The following RBM26 variants were observed in gnomAD, a reference collection of about 807,000 sequenced individuals.
RBM26 encodes RNA-binding protein 26.
In RBM26, 30 loss-of-function variants were observed where a neutral mutation model predicts 123.6. The ratio of observed to expected loss-of-function variants is 0.24; its 90% confidence interval spans 0.18 to 0.33. The LOEUF is 0.33. RBM26 is among the 10% of genes least tolerant of loss of function. RBM26 has a pLI of 1.00. For missense variants in RBM26, 947 were observed against 1,203.6 expected (o/e 0.79, Z 3.15); for synonymous variants, 400 against 404.4 (o/e 0.99, Z 0.13).
intron 11 of RBM26, among the ~76,000 whole-genome samples, chr13:79,355,872 C>A (rs1244951015): frequency 6.6e-6 from 1 of 152,002 alleles, no homozygotes; most frequent in African/African-American, 2.4e-5. Flanking sequence ...AAAAAGAGAC[C>A]ATGTAACAAC....
chr13:79,401,949 T>C (rs904274569), intron 1 of RBM26, among the ~76,000 whole-genome samples: 1 of 151,988 alleles, frequency 6.6e-6, no homozygotes, highest in African/African-American at 2.4e-5. Flanking sequence ...CCTCAGTACG[T>C]CATTACATCC....
intron 7 of RBM26, 56 bp from the exon 8 acceptor site, chr13:79,366,251 T>C (rs2075258958): frequency 1.3e-6 from 2 of 1,560,924 alleles, no homozygotes; most frequent in Non-Finnish European, 1.7e-6. Context: ...TAAAACAAGT[T>C]ATTGCACATC....
Position 79,322,329 on chromosome 13 carries a change from G to T in RBM26, c.2934+20C>A. The T allele has an allele frequency of 6.8e-7, 1 of 1,460,446 alleles. No homozygotes were observed. Among genetic ancestry groups the T allele is most frequent in the Non-Finnish European group, 9.3e-7 (1 of 1,077,912 alleles). The allele number at this position is 1,460,446 out of a possible 1,614,324, so 90.5% of individuals were successfully genotyped here. On this transcript the variant is annotated intron_variant, in intron 21 of 21. Coordinates refer to ENST00000438737, the MANE Select transcript of RBM26 (RefSeq NM_001366735.2). ...TATGAACGATTAAGGGTAAAAATAA[G>T]TGGAAAAAAAATAACATACTTCTTC...
chr13:79,404,464 T>TTAAATCAG (rs1366603043), intron 1 of RBM26, among the ~76,000 whole-genome samples: 7 of 152,216 alleles, frequency 4.6e-5, no homozygotes, highest in African/African-American at 7.2e-5. Context: ...TAAAACAAAA[T>TTAAATCAG]TAAATCAGTC....
At chr13:79,322,558 A>C in intron 20 of RBM26, 96 bp from the exon 21 acceptor site, 1 of 687,028 alleles carries the variant, frequency 1.5e-6, no homozygotes, top group Non-Finnish European at 2.3e-6. Flanking sequence ...AAAATAGCTA[A>C]AGACAACTGA....
chr13:79,322,148 A>G (rs1008656745), intron 21 of RBM26, among the ~76,000 whole-genome samples: 18 of 151,504 alleles, frequency 1.2e-4, no homozygotes, highest in African/African-American at 4.3e-4. Flanking sequence ...TGATTTTCAT[A>G]TATTCTTTTT....
In RBM26 at chr13:79,377,373, C is replaced by T. The variant is rs994428448; in HGVS notation, c.327+6G>A. The T allele has an allele frequency of 1.4e-5, 23 of 1,612,238 alleles. No individual in the cohort carries two copies. The highest frequency in any genetic ancestry group is 4.5e-5 in the East Asian group (2 of 44,844). On this transcript the variant is annotated splice_donor_region_variant and intron_variant, in intron 3 of 21. Transcript: ENST00000438737. The stretch of plus-strand genomic sequence containing the variant: ...TAACCTGTAAGGTATTAACACAAAT[C>T]GTTACCTCTTCCTTCTTTATATCTT...
At chr13:79,375,063 TTA>T (rs2076521282) in intron 3 of RBM26, among the ~76,000 whole-genome samples, 1 of 57,634 alleles carries the variant, frequency 1.7e-5, no homozygotes, top group African/African-American at 4.5e-5. Context: ...ATTTATATTT[TTA>T]TATATTTATA....
At chr13:79,386,591 T>TAAAAAAAAAAAAAAAAAAAA (rs398023598) in intron 1 of RBM26, among the ~76,000 whole-genome samples, 5 of 92,830 alleles carry the variant, frequency 5.4e-5, no homozygotes, top group South Asian at 3.8e-4. Context: ...ACTCTCTCTT[T>TAAAAAAAAAAAAAAAAAAAA]AAAAAAAAAA....
chr13:79,353,671 T>C (rs1051426189), intron 13 of RBM26, among the ~76,000 whole-genome samples: 6 of 152,218 alleles, frequency 3.9e-5, no homozygotes, highest in Admixed American at 1.3e-4. Flanking sequence ...AATTTACCAA[T>C]AGACATTCTG....
At chr13:79,369,856 T>C (rs1340628865) in intron 5 of RBM26, among the ~76,000 whole-genome samples, 2 of 152,188 alleles carry the variant, frequency 1.3e-5, no homozygotes, top group African/African-American at 4.8e-5. Context: ...AATCAAGATA[T>C]AACACCTCTG....
At chr13:79,379,660 T>A in intron 1 of RBM26, among the ~76,000 whole-genome samples, 1 of 147,496 alleles carries the variant, frequency 6.8e-6, no homozygotes, top group African/African-American at 2.5e-5. Context: ...AGACACAAAA[T>A]CCATATTATC....
chr13:79,402,794 C>G (rs1410657817), intron 1 of RBM26, among the ~76,000 whole-genome samples: 1 of 152,090 alleles, frequency 6.6e-6, no homozygotes, highest in African/African-American at 2.4e-5. Context: ...CTGATGTTCC[C>G]AGACTTCAAC....
chr13:79,341,834 A>G (rs1366899546), intron 17 of RBM26, among the ~76,000 whole-genome samples: 2 of 151,862 alleles, frequency 1.3e-5, no homozygotes, highest in Non-Finnish European at 3.0e-5. Flanking sequence ...ATACAAATGC[A>G]AATAGATTTA....
chr13:79,371,493 A>T (rs1177992294), intron 4 of RBM26, among the ~76,000 whole-genome samples: 1 of 152,098 alleles, frequency 6.6e-6, no homozygotes, highest in African/African-American at 2.4e-5. Context: ...TATCACATGC[A>T]TTGTATTCTA....
In RBM26 at chr13:79,368,801, T is replaced by G. The variant is rs770739710; in HGVS notation, c.824A>C (p.His275Pro). The part of the protein sequence containing the change: ...NNTTESWSEF[H>P]EDQVDHNSYV... ...AGAGTTATGGTCCACTTGGTCTTCA[T>G]GAAATTCAGACCAACTTTCGGTAGT... The change falls in exon 6 of 22, where the codon CAT (histidine) becomes CCT (proline). Residue 275 changes from histidine to proline, a missense_variant. By Grantham distance (77) the His-to-Pro change is moderately conservative. This residue lies in a region of RBM26 where 275 missense variants were observed against 361.0 expected (regional missense o/e 0.76). Transcript: ENST00000438737. 6.2e-7 allele frequency: 1 copy of G among 1,614,008 alleles called. No homozygotes were observed. Among genetic ancestry groups the G allele is most frequent in the South Asian group, 1.1e-5 (1 of 91,078 alleles).
At chr13:79,381,821 A>G (rs531312052) in intron 1 of RBM26, among the ~76,000 whole-genome samples, 1 of 152,104 alleles carries the variant, frequency 6.6e-6, no homozygotes, top group East Asian at 1.9e-4. Context: ...ACGATTAGCC[A>G]CAACAAATAT....
In RBM26 at chr13:79,353,337, A is replaced by G. The variant is rs1190130159; in HGVS notation, c.1987-113T>C. On this transcript the variant is annotated intron_variant, in intron 13 of 21. Coordinates refer to ENST00000438737, the MANE Select transcript of RBM26 (RefSeq NM_001366735.2). ...ATACAGAGTCTATGAGTATACCAATACTAACCACAAAAACTTGGTCCTTCT... is the reference window on the plus strand; with the variant it reads ...ATACAGAGTCTATGAGTATACCAATGCTAACCACAAAAACTTGGTCCTTCT... 4 of 482,700 alleles carry G rather than the reference A, an allele frequency of 8.3e-6. No homozygotes were observed. The Admixed American group carries it at 1.2e-4, about 15-fold the overall frequency. The allele number at this position is 482,700 out of a possible 1,614,324, so 29.9% of individuals were successfully genotyped here.
chr13:79,322,386 G>A lies in RBM26; in HGVS notation c.2897C>T (p.Ala966Val). Residue 966 changes from alanine (A) to valine (V), a missense_variant, in exon 21 of 22, where the codon GCT (alanine) becomes GTT (valine). Coordinates refer to ENST00000438737, the MANE Select transcript of RBM26 (RefSeq NM_001366735.2). ...AWNKPVTNIS[A>V]VETEEVEPDE... ...AGGCTCAACTTCTTCTGTTTCAACA[G>A]CTGAAATATTAGTTACTGGTTTATT... 6.3e-7 allele frequency: 1 copy of A among 1,576,696 alleles called. No homozygotes were observed.
Sources: gnomAD v4.1 joint callset for allele counts (sites outside exome capture counted in the v4.1 genomes callset) on GRCh38, gnomAD v4.1.1 for gene constraint, gnomAD v4.1.1 regional missense constraint, MANE v1.5 for transcripts, NCBI Gene and HGNC (gene_info 2026-07-23, HGNC 2026-07-21) for gene names.